PARD3B: variants seen among roughly 807,000 people sequenced by gnomAD.
PARD3B encodes the protein partitioning defective 3 homolog B.
In PARD3B, 103 loss-of-function variants were observed where a neutral mutation model predicts 130.2. The observed-to-expected ratio is 0.79, with a 90% confidence interval of 0.67 to 0.93. The LOEUF (loss-of-function observed/expected upper bound fraction) is 0.93, where lower values mean the gene tolerates loss of function less well. PARD3B is among the 40% of genes least tolerant of loss of function. PARD3B has a pLI of 0.00. For missense variants in PARD3B, 1,609 were observed against 1,499.2 expected, an observed-to-expected ratio of 1.07 and a Z score of -1.21; for synonymous variants, 583 against 553.2, an observed-to-expected ratio of 1.05 and a Z score of -0.76.
At chr2:205,245,939 C>A in intron 16 of PARD3B, 117 bp downstream of exon 16, 2 of 791,570 alleles carry the variant, frequency 2.5e-6, no homozygotes, top group Non-Finnish European at 4.3e-6. Flanking sequence ...CTAATTAATA[C>A]ATGAGATGTC....
At chr2:204,958,948 C>T (rs1559300071) in intron 2 of PARD3B, among the ~76,000 whole-genome samples, 2 of 152,012 alleles carry the variant, frequency 1.3e-5, no homozygotes, top group African/African-American at 4.8e-5. Flanking sequence ...GTAAATTATC[C>T]AAAGTTCTTT....
chr2:205,181,946 G>C (rs1388074555), intron 13 of PARD3B, among the ~76,000 whole-genome samples: 4 of 152,296 alleles, frequency 2.6e-5, no homozygotes, highest in South Asian at 2.1e-4. Flanking sequence ...AAAGGTGTCT[G>C]GGCCCAGAAG....
chr2:204,602,406 A>T (rs1199434300), intron 1 of PARD3B, among the ~76,000 whole-genome samples: 1 of 152,016 alleles, frequency 6.6e-6, no homozygotes, highest in African/African-American at 2.4e-5. Context: ...TTCTTAAACA[A>T]TAGTACAAAG....
At chr2:205,600,668 C>T (rs868737077) in intron 22 of PARD3B, among the ~76,000 whole-genome samples, 1 of 152,158 alleles carries the variant, frequency 6.6e-6, no homozygotes, top group Non-Finnish European at 1.5e-5. Context: ...ACTGCCACCC[C>T]GACAGGTCCC....
chr2:204,676,075 T>C (rs566865848), intron 1 of PARD3B, among the ~76,000 whole-genome samples: 1 of 151,970 alleles, frequency 6.6e-6, no homozygotes, highest in Non-Finnish European at 1.5e-5. Flanking sequence ...TTTGAACTTA[T>C]AAATTTACTA....
rs2052588088 is a variant in PARD3B, at chr2:205,550,861, T to A, written c.3181-2463T>A. 6.8e-6 allele frequency among the ~76,000 whole-genome samples: 1 copy of A among 147,392 alleles called. No individual in the cohort carries two copies. Among genetic ancestry groups the A allele is most frequent in the Non-Finnish European group, 1.5e-5 (1 of 66,836 alleles). Reference sequence around the variant, plus strand: ...TATTTGAATATTTTATATGTATATTTGTATGTATATATGTATATTTGTATG... The same window carrying A: ...TATTTGAATATTTTATATGTATATTAGTATGTATATATGTATATTTGTATG... On this transcript the variant is annotated intron_variant, in intron 21 of 22. Transcript: ENST00000406610. The surrounding 1 kb of genome is among the most constrained non-coding windows in gnomAD (Gnocchi z 4.5).
rs1169366032 is a variant in PARD3B, at chr2:205,352,124, G to A, written c.2631-48889G>A. ...GCCTTGGATTTTCTATGTGTATAAA[G>A]ACGGTATTTGTCATTGAGCTTAGTG... is the stretch of plus-strand genomic sequence containing the variant. On this transcript the variant is annotated intron_variant, in intron 18 of 22. Transcript: ENST00000406610. This position sits in a 1 kb window ranked among gnomAD's most constrained non-coding sequence, Gnocchi z 5.2. Among the ~76,000 whole-genome samples the A allele has an allele frequency of 6.6e-6, 1 of 152,180 alleles. No individual in the cohort carries two copies. The highest frequency in any genetic ancestry group is 1.5e-5 in the Non-Finnish European group (1 of 68,044).
At chr2:205,605,155 C>T (rs2054937120) in intron 22 of PARD3B, among the ~76,000 whole-genome samples, 1 of 152,190 alleles carries the variant, frequency 6.6e-6, no homozygotes, top group African/African-American at 2.4e-5. Context: ...TTAGAACATG[C>T]TTCTTTAGCT....
chr2:204,837,210 T>C (rs1415468372), intron 2 of PARD3B, among the ~76,000 whole-genome samples: 1 of 152,162 alleles, frequency 6.6e-6, no homozygotes, highest in East Asian at 1.9e-4. Flanking sequence ...TAAGACTATA[T>C]AAAAATCTTA....
At chr2:204,641,001 CAT>C (rs1211801845) in intron 1 of PARD3B, among the ~76,000 whole-genome samples, 1 of 146,840 alleles carries the variant, frequency 6.8e-6, no homozygotes, top group East Asian at 2.0e-4. Flanking sequence ...ATTTACTGTA[CAT>C]ATATATGAAA....
chr2:205,215,793 A>C (rs187932226), intron 15 of PARD3B, among the ~76,000 whole-genome samples: 312 of 152,210 alleles, frequency 2.0e-3, no homozygotes, highest in African/African-American at 7.4e-3. Flanking sequence ...CTACCAAAAA[A>C]ATAAAAGACT....
intron 2 of PARD3B, among the ~76,000 whole-genome samples, chr2:204,791,625 G>C (rs962566046): frequency 6.6e-6 from 1 of 152,326 alleles, no homozygotes; most frequent in South Asian, 2.1e-4. Flanking sequence ...CCTGAACTTA[G>C]TGAGTTCTTG....
At chr2:204,588,767 C>A (rs765044573) in intron 1 of PARD3B, among the ~76,000 whole-genome samples, 1 of 152,124 alleles carries the variant, frequency 6.6e-6, no homozygotes, top group Non-Finnish European at 1.5e-5. Flanking sequence ...CTGCAGAAAT[C>A]TTTTTATTAG....
At chr2:204,961,295 C>T (rs1690723063) in intron 2 of PARD3B, among the ~76,000 whole-genome samples, 1 of 152,062 alleles carries the variant, frequency 6.6e-6, no homozygotes, top group Non-Finnish European at 1.5e-5. Flanking sequence ...TTAAGAAACA[C>T]ATGGTAGCTG....
chr2:205,037,308 A>G (rs1296131032), intron 3 of PARD3B, among the ~76,000 whole-genome samples: 1 of 77,684 alleles, frequency 1.3e-5, no homozygotes, highest in Non-Finnish European at 2.7e-5. Context: ...ATTTGTATAA[A>G]ATATATATAG....
chr2:205,383,899 C>T (rs1243167365), intron 18 of PARD3B, among the ~76,000 whole-genome samples: 1 of 152,046 alleles, frequency 6.6e-6, no homozygotes. Context: ...TGGGTGTTTA[C>T]TTCCTTCTTC....
chr2:204,801,125 A>G (rs2042553038), intron 2 of PARD3B, among the ~76,000 whole-genome samples: 1 of 152,062 alleles, frequency 6.6e-6, no homozygotes, highest in Non-Finnish European at 1.5e-5. Context: ...GTAGCCTTGT[A>G]TTATAGTTTA....
chr2:205,409,166 A>G (rs2046511518), intron 19 of PARD3B, among the ~76,000 whole-genome samples: 1 of 152,180 alleles, frequency 6.6e-6, no homozygotes, highest in African/African-American at 2.4e-5. Context: ...TGTTTTTCAT[A>G]GTACTAACCA....
intron 1 of PARD3B, among the ~76,000 whole-genome samples, chr2:204,681,224 T>C (rs541452294): frequency 1.3e-5 from 2 of 152,310 alleles, no homozygotes; most frequent in African/African-American, 4.8e-5. Context: ...TATCTGATAT[T>C]AGGATTAGTA....
Sources: gnomAD v4.1 joint callset for allele counts (sites outside exome capture counted in the v4.1 genomes callset) on GRCh38, gnomAD v4.1.1 for gene constraint, Gnocchi (gnomAD v3.1) non-coding constraint, MANE v1.5 for transcripts, NCBI Gene and HGNC (gene_info 2026-07-23, HGNC 2026-07-21) for gene names.